Variants in SORCS3 observed in about 807,000 individuals in gnomAD.
The protein encoded by SORCS3 is sortilin related VPS10 domain containing receptor 3, also known as VPS10 domain-containing receptor SorCS3.
In SORCS3, 57 loss-of-function variants were observed where a neutral mutation model predicts 146.3. The ratio of observed to expected loss-of-function variants is 0.39; its 90% CI spans 0.31 to 0.49. The LOEUF (loss-of-function observed/expected upper bound fraction) is 0.49. Ranked by LOEUF, SORCS3 falls within the 20% of genes least tolerant of loss-of-function variation. SORCS3 has a pLI of 0.92. For synonymous variants in SORCS3, 653 were observed against 618.5 expected, an observed-to-expected ratio of 1.06 and a Z score of -0.83; for missense variants, 1,341 against 1,575.5, an observed-to-expected ratio of 0.85 and a Z score of 2.52.
intron 2 of SORCS3, among the ~76,000 whole-genome samples, chr10:104,881,139 A>G (rs1338398962): frequency 6.6e-6 from 1 of 152,208 alleles, no homozygotes; most frequent in Non-Finnish European, 1.5e-5. Context: ...ATTTAAAAGG[A>G]CAGATGCTAG....
intron 5 of SORCS3, among the ~76,000 whole-genome samples, chr10:105,078,013 G>A (rs2055599860): frequency 1.3e-5 from 2 of 152,224 alleles, no homozygotes; most frequent in Non-Finnish European, 2.9e-5. Context: ...AGTTCTTGCT[G>A]CCCTAGCGTT....
chr10:104,909,791 T>TG (rs34433435), intron 2 of SORCS3, among the ~76,000 whole-genome samples: 23,389 of 150,866 alleles, frequency 0.16, 2,162 homozygotes, highest in Middle Eastern at 0.23. Context: ...CTTTTCTGTT[T>TG]TTTTTTTTTT....
intron 20 of SORCS3, among the ~76,000 whole-genome samples, chr10:105,238,605 A>T (rs2056806482): frequency 6.6e-6 from 1 of 152,202 alleles, no homozygotes; most frequent in African/African-American, 2.4e-5. Context: ...AAAGGTGAGG[A>T]AGACAGATGA....
At chr10:105,134,191 G>A (rs2056042135) in intron 7 of SORCS3, among the ~76,000 whole-genome samples, 1 of 152,188 alleles carries the variant, frequency 6.6e-6, no homozygotes, top group Non-Finnish European at 1.5e-5. Flanking sequence ...ACTTTCTGAG[G>A]TTCAGATCTG....
chr10:104,858,073 T>C (rs1335630625), intron 2 of SORCS3, among the ~76,000 whole-genome samples: 1 of 152,220 alleles, frequency 6.6e-6, no homozygotes, highest in African/African-American at 2.4e-5. Context: ...GGTTCATCTG[T>C]GAAATGAGAC....
At chr10:104,694,755 C>G (rs1313855179) in intron 1 of SORCS3, among the ~76,000 whole-genome samples, 1 of 152,154 alleles carries the variant, frequency 6.6e-6, no homozygotes, top group Non-Finnish European at 1.5e-5. Flanking sequence ...CAGATACTCC[C>G]ACACTAATTT....
Position 104,916,634 on chromosome 10 carries a change from G to A in SORCS3, c.795+702G>A, listed in dbSNP as rs148997591. On this transcript the variant is annotated intron_variant, in intron 3 of 26. Coordinates refer to ENST00000369701, the MANE Select transcript of SORCS3 (RefSeq NM_014978.3). Reference sequence around the variant, plus strand: ...TTTTAGAAAACAAATACTGCACCATGTATTATCTTTGGGGAGATGTGCTCT... The same window carrying A: ...TTTTAGAAAACAAATACTGCACCATATATTATCTTTGGGGAGATGTGCTCT... Among the ~76,000 whole-genome samples the A allele has an allele frequency of 4.5e-3, 690 of 152,304 alleles. 3 individuals carry two copies. The highest frequency in any genetic ancestry group is 0.016 in the African/African-American group (649 of 41,566).
intron 4 of SORCS3, among the ~76,000 whole-genome samples, chr10:105,002,760 G>T (rs565137581): frequency 6.6e-6 from 1 of 152,208 alleles, no homozygotes; most frequent in East Asian, 1.9e-4. Context: ...AGAAGGCCTG[G>T]ATTGGAACCT....
intron 4 of SORCS3, among the ~76,000 whole-genome samples, chr10:104,990,794 C>T (rs1257977369): frequency 6.6e-6 from 1 of 152,156 alleles, no homozygotes; most frequent in Non-Finnish European, 1.5e-5. Flanking sequence ...AAGATGAGGA[C>T]TGGCTGGAAA....
chr10:105,238,723 T>A (rs2056806951), intron 20 of SORCS3, among the ~76,000 whole-genome samples: 1 of 152,226 alleles, frequency 6.6e-6, no homozygotes, highest in Non-Finnish European at 1.5e-5. Context: ...AGTAATACTT[T>A]AGACAGATAC....
intron 14 of SORCS3, among the ~76,000 whole-genome samples, chr10:105,190,318 GGAGTAAC>G (rs1175845999): frequency 2.6e-5 from 4 of 152,168 alleles, no homozygotes; most frequent in Admixed American, 2.6e-4. Flanking sequence ...CTGTTAAATG[GGAGTAAC>G]GAATAAAATG....
chr10:104,990,531 C>A lies in SORCS3; in HGVS notation c.954+13038C>A, dbSNP rs1589582180. On this transcript the variant is annotated intron_variant, in intron 4 of 26. Coordinates refer to ENST00000369701, the MANE Select transcript of SORCS3 (RefSeq NM_014978.3). ...GGGATCACAAAACCTAGGTTTCCAC[C>A]CAGGAATTACCCTTTGACATTTCTA... 2.0e-5 allele frequency among the ~76,000 whole-genome samples: 3 copies of A among 152,114 alleles called. No homozygotes were observed. In the East Asian group the frequency reaches 5.8e-4, roughly 30 times the overall value.
intron 2 of SORCS3, among the ~76,000 whole-genome samples, chr10:104,851,706 A>G (rs1446996976): frequency 1.3e-5 from 2 of 152,154 alleles, no homozygotes; most frequent in African/African-American, 2.4e-5. Flanking sequence ...GAGCCTATCT[A>G]TTTTCAAGTT....
chr10:104,879,539 G>A (rs934521154), intron 2 of SORCS3, among the ~76,000 whole-genome samples: 2 of 152,116 alleles, frequency 1.3e-5, no homozygotes, highest in Non-Finnish European at 2.9e-5. Flanking sequence ...AGAGCATATT[G>A]GCAGGCCCCA....
At chr10:105,103,248 C>G (rs2055798597) in intron 6 of SORCS3, among the ~76,000 whole-genome samples, 1 of 152,094 alleles carries the variant, frequency 6.6e-6, no homozygotes, top group Non-Finnish European at 1.5e-5. Context: ...GACCTTGTGC[C>G]AGCCACCATT....
Position 105,026,175 on chromosome 10 carries a change from T to G in SORCS3, c.955-16880T>G, listed in dbSNP as rs1048670575. Among the ~76,000 whole-genome samples, 3 of 152,304 alleles carry G rather than the reference T, an allele frequency of 2.0e-5. No homozygotes were observed. In the East Asian group the frequency reaches 5.8e-4, roughly 29 times the overall value. ...TTCCTCAGACCTCACAGTCATTCTG[T>G]TACACATCTTATTGGTGTTACCTCC... On this transcript the variant is annotated intron_variant, in intron 4 of 26. Coordinates refer to ENST00000369701, the MANE Select transcript of SORCS3 (RefSeq NM_014978.3).
intron 7 of SORCS3, among the ~76,000 whole-genome samples, chr10:105,132,981 T>G (rs987343366): frequency 3.4e-4 from 52 of 152,344 alleles, no homozygotes; most frequent in African/African-American, 1.2e-3. Context: ...GTCACTAAAC[T>G]TTATTTCTTT....
At chr10:104,776,849 A>G (rs972986880) in intron 1 of SORCS3, among the ~76,000 whole-genome samples, 3 of 151,950 alleles carry the variant, frequency 2.0e-5, no homozygotes, top group South Asian at 4.2e-4. Flanking sequence ...TAAAAATACA[A>G]GTACCCAAGC....
intron 1 of SORCS3, among the ~76,000 whole-genome samples, chr10:104,695,671 A>G (rs934659493): frequency 2.0e-5 from 3 of 151,840 alleles, no homozygotes; most frequent in African/African-American, 7.3e-5. Flanking sequence ...GGGTATGTAC[A>G]TATTATCTTT....
Sources: allele counts gnomAD v4.1 joint callset (sites outside exome capture counted in the v4.1 genomes callset), GRCh38; gene constraint gnomAD v4.1.1; transcripts MANE v1.5; gene names NCBI Gene and HGNC (gene_info 2026-07-23, HGNC 2026-07-21).